The following CADM1 variants were observed in gnomAD, a reference collection of about 807,000 sequenced individuals.
CADM1 encodes the protein TSLC-1.
In CADM1, 15 loss-of-function variants were observed where a neutral mutation model predicts 53.1. The ratio of observed to expected loss-of-function variants is 0.28; its 90% CI spans 0.19 to 0.44. The LOEUF is 0.44. Among genes scored for constraint, CADM1 ranks in the 20% least tolerant of loss-of-function variants. The pLI, the probability that CADM1 is intolerant of heterozygous loss-of-function variation, is 1.00. For missense variants in CADM1, 434 were observed against 611.3 expected (o/e 0.71, Z 3.06); for synonymous variants, 281 against 243.0 (o/e 1.16, Z -1.45).
intron 8 of CADM1, among the ~76,000 whole-genome samples, chr11:115,205,841 A>G (rs1289240297): frequency 6.6e-6 from 1 of 152,194 alleles, no homozygotes; most frequent in Admixed American, 6.5e-5. Flanking sequence ...TTGGAAAAAA[A>G]ATTTAATGGT....
intron 1 of CADM1, among the ~76,000 whole-genome samples, chr11:115,487,488 A>C (rs1439971516): frequency 6.6e-6 from 1 of 152,212 alleles, no homozygotes; most frequent in East Asian, 1.9e-4. Context: ...TTATGAAACA[A>C]GGATAAAGAG....
chr11:115,284,707 C>T (rs1333507323), intron 1 of CADM1, among the ~76,000 whole-genome samples: 2 of 152,024 alleles, frequency 1.3e-5, no homozygotes, highest in East Asian at 1.9e-4. Context: ...AGAATACAAA[C>T]ATTTTCTAAT....
intron 11 of CADM1, 35 bp downstream of exon 11, chr11:115,178,609 G>T (rs762346837): frequency 6.2e-7 from 1 of 1,608,380 alleles, no homozygotes; most frequent in Non-Finnish European, 8.5e-7. Context: ...AAGCTGTGGG[G>T]ACACGCTGCT....
At chr11:115,420,807 C>T (rs991121284) in intron 1 of CADM1, among the ~76,000 whole-genome samples, 12 of 152,162 alleles carry the variant, frequency 7.9e-5, no homozygotes, top group African/African-American at 2.9e-4. Flanking sequence ...TTTCGTTCTC[C>T]TGATTCAATG....
At chr11:115,382,375 G>A (rs1946600646) in intron 1 of CADM1, among the ~76,000 whole-genome samples, 1 of 152,076 alleles carries the variant, frequency 6.6e-6, no homozygotes, top group South Asian at 2.1e-4. Flanking sequence ...GAGGTTTCCT[G>A]TCCTCAAAAA....
chr11:115,184,212 G>T lies in CADM1; in HGVS notation c.1166-5437C>A, dbSNP rs549747020. Among the ~76,000 whole-genome samples the T allele has an allele frequency of 1.8e-4, 27 of 152,184 alleles. 1 individual carries two copies. The highest frequency in any genetic ancestry group is 6.0e-4 in the African/African-American group (25 of 41,516). The stretch of plus-strand genomic sequence containing the variant: ...CCATAATCTGACCTAAAAAAAAAAT[G>T]ACACTTAAGAAAACCTGGCACCATC... On this transcript the variant is annotated intron_variant, in intron 10 of 11. Coordinates refer to ENST00000331581, the MANE Select transcript of CADM1 (RefSeq NM_001301043.2).
At position 115,293,891 on chromosome 11, in the gene CADM1, A is replaced by G. The variant is rs1943976448; in HGVS notation, c.125-53471T>C. ...TCTATATAAATGATCTTCAGACTCT[A>G]TGATTTAGAATCTGAAGGTACTCTA... On this transcript the variant is annotated intron_variant, in intron 1 of 11. Coordinates refer to ENST00000331581, the MANE Select transcript of CADM1 (RefSeq NM_001301043.2). 1.3e-5 allele frequency among the ~76,000 whole-genome samples: 2 copies of G among 152,210 alleles called. 1 individual carries two copies. The highest frequency in any genetic ancestry group is 1.3e-4 in the Admixed American group (2 of 15,282).
At chr11:115,216,868 G>T (rs1941209564) in intron 6 of CADM1, among the ~76,000 whole-genome samples, 1 of 152,138 alleles carries the variant, frequency 6.6e-6, no homozygotes, top group Non-Finnish European at 1.5e-5. Context: ...CTTCTTTCCA[G>T]AGATTTCTGG....
At chr11:115,410,919 G>T (rs1245385067) in intron 1 of CADM1, among the ~76,000 whole-genome samples, 1 of 152,090 alleles carries the variant, frequency 6.6e-6, no homozygotes, top group Non-Finnish European at 1.5e-5. Context: ...TCCATTTGCT[G>T]CCATGACCAT....
chr11:115,308,175 G>GTGTGTGTATA (rs1353212174), intron 1 of CADM1, among the ~76,000 whole-genome samples: 35 of 117,432 alleles, frequency 3.0e-4, no homozygotes, highest in African/African-American at 1.3e-3. Flanking sequence ...GTGTGTGTGT[G>GTGTGTGTATA]TATATCACTC....
At chr11:115,361,031 C>A (rs539163628) in intron 1 of CADM1, among the ~76,000 whole-genome samples, 79 of 152,250 alleles carry the variant, frequency 5.2e-4, no homozygotes, top group Admixed American at 7.8e-4. Context: ...TAAGAACCCC[C>A]AAAACATTCT....
At chr11:115,479,498 T>G (rs947591175) in intron 1 of CADM1, among the ~76,000 whole-genome samples, 3 of 152,112 alleles carry the variant, frequency 2.0e-5, no homozygotes, top group African/African-American at 7.2e-5. Context: ...AAATTGTCCC[T>G]CCTAAATGAG....
At chr11:115,442,338 C>T (rs1295168071) in intron 1 of CADM1, among the ~76,000 whole-genome samples, 1 of 152,134 alleles carries the variant, frequency 6.6e-6, no homozygotes, top group African/African-American at 2.4e-5. Context: ...ATACTGAGTC[C>T]AATCCCTAAG....
chr11:115,488,718 C>T (rs1949431514), intron 1 of CADM1, among the ~76,000 whole-genome samples: 2 of 152,292 alleles, frequency 1.3e-5, no homozygotes, highest in African/African-American at 4.8e-5. Context: ...CAGTTGTAGG[C>T]AATTAACTTT....
chr11:115,223,944 G>A (rs1941497828), intron 5 of CADM1, among the ~76,000 whole-genome samples: 1 of 131,940 alleles, frequency 7.6e-6, no homozygotes, highest in African/African-American at 2.9e-5. Context: ...GTGGGAGGAA[G>A]AGCGTATTCC....
At chr11:115,200,150 A>G (rs537497332) in intron 8 of CADM1, among the ~76,000 whole-genome samples, 1 of 152,378 alleles carries the variant, frequency 6.6e-6, no homozygotes, top group East Asian at 1.9e-4. Flanking sequence ...TGATGAATAG[A>G]TGAAGGAAAG....
chr11:115,288,027 G>A (rs548278510), intron 1 of CADM1, among the ~76,000 whole-genome samples: 41 of 152,218 alleles, frequency 2.7e-4, no homozygotes, highest in Non-Finnish European at 5.0e-4. Flanking sequence ...AGGGTGGTCA[G>A]CAAGGCCTTG....
chr11:115,169,478 G>A lies in CADM1; in HGVS notation c.*6996C>T, dbSNP rs563938720. 4 of 408,162 alleles carry A rather than the reference G, an allele frequency of 9.8e-6. No individual in the cohort carries two copies. The highest frequency in any genetic ancestry group is 6.2e-5 in the African/African-American group (3 of 48,590). 25.3% of individuals were successfully genotyped at this position (408,162 alleles called of 1,614,324 possible). On this transcript the variant is annotated 3_prime_UTR_variant, in exon 12 of 12. Coordinates refer to ENST00000331581, the MANE Select transcript of CADM1 (RefSeq NM_001301043.2). ...AGCAATGGGCTTTGGCAGGGAAGTA[G>A]GAGCAAAAAACCCAAGTAGGACATT...
chr11:115,350,501 CTTTTTTTCTTTTTTT>C (rs1450171901), intron 1 of CADM1, among the ~76,000 whole-genome samples: 1 of 124,700 alleles, frequency 8.0e-6, no homozygotes, highest in African/African-American at 2.7e-5. Context: ...TATGACCATT[CTTTTTTTCTTTTTTT>C]TTTTTTTAAT....
Sources: allele counts gnomAD v4.1 joint callset (sites outside exome capture counted in the v4.1 genomes callset), GRCh38; gene constraint gnomAD v4.1.1; transcripts MANE v1.5; gene names NCBI Gene and HGNC (gene_info 2026-07-23, HGNC 2026-07-21).